Variants in SCYL2 observed in about 807,000 individuals in gnomAD.
SCYL2 encodes the protein SCY1 like pseudokinase 2.
Under a neutral mutation model 100.4 loss-of-function variants are expected in SCYL2, and 36 were observed. The observed-to-expected ratio is 0.36, with a 90% CI of 0.27 to 0.47. The LOEUF (loss-of-function observed/expected upper bound fraction) is 0.47, where lower values mean the gene tolerates loss of function less well. Among genes scored for constraint, SCYL2 ranks in the 20% least tolerant of loss-of-function variants. The probability of loss-of-function intolerance (pLI) is 1.00; values close to 1 mark genes in which losing one functional copy is unlikely to be tolerated. For synonymous variants in SCYL2, 330 were observed against 359.2 expected (o/e 0.92, Z 0.92); for missense variants, 902 against 1,083.9 (o/e 0.83, Z 2.36).
chr12:100,278,974 T>C (rs539928379), intron 1 of SCYL2, among the ~76,000 whole-genome samples: 2 of 152,296 alleles, frequency 1.3e-5, no homozygotes, highest in Non-Finnish European at 2.9e-5. Context: ...ATTTACTTGT[T>C]TTCTGTGGCT....
chr12:100,310,400 C>A (rs1011654515), intron 4 of SCYL2, among the ~76,000 whole-genome samples: 2 of 152,156 alleles, frequency 1.3e-5, no homozygotes, highest in Non-Finnish European at 2.9e-5. Flanking sequence ...CTTCGAGCAT[C>A]TTTTCATGTG....
chr12:100,277,238 A>G (rs2135809276), intron 1 of SCYL2, among the ~76,000 whole-genome samples: 1 of 152,314 alleles, frequency 6.6e-6, no homozygotes, highest in South Asian at 2.1e-4. Flanking sequence ...CATGAAAACA[A>G]TTTGTCATTT....
At position 100,335,471 on chromosome 12, in the gene SCYL2, G is replaced by A. The variant is rs75884567; in HGVS notation, c.1863-154G>A. ...ACAAATGTTATTTTTGGGGCAAGCA[G>A]ACATTAACAGTAGAAAATAATGGAA... is the stretch of plus-strand genomic sequence containing the variant. On this transcript the variant is annotated intron_variant, in intron 14 of 17. Coordinates refer to ENST00000360820, the MANE Select transcript of SCYL2 (RefSeq NM_017988.6). 479 of 577,010 alleles carry A rather than the reference G, an allele frequency of 8.3e-4. 3 individuals are homozygous for A. In the East Asian group the frequency reaches 0.012, roughly 15 times the overall value. 35.7% of individuals were successfully genotyped at this position (577,010 alleles called of 1,614,324 possible).
chr12:100,279,003 T>C (rs1370380957), intron 1 of SCYL2, among the ~76,000 whole-genome samples: 1 of 152,236 alleles, frequency 6.6e-6, no homozygotes, highest in East Asian at 1.9e-4. Context: ...GATTTTTCTT[T>C]TAATCACTGA....
intron 2 of SCYL2, among the ~76,000 whole-genome samples, chr12:100,286,812 A>G (rs747828873): frequency 6.6e-6 from 1 of 151,822 alleles, no homozygotes; most frequent in East Asian, 1.9e-4. Context: ...AGAATAATTA[A>G]TAGTTTTAAA....
rs550945935 is a variant in SCYL2 at position 100,267,526 on chromosome 12, G to T, written c.-295G>T. The T allele has an allele frequency of 6.5e-6, 1 of 153,574 alleles. No individual in the cohort carries two copies. Among genetic ancestry groups the T allele is most frequent in the South Asian group, 1.9e-4 (1 of 5,338 alleles). The allele number at this position is 153,574 out of a possible 1,614,324, so 9.5% of individuals were successfully genotyped here. On this transcript the variant is annotated 5_prime_UTR_variant, in exon 1 of 18. Transcript: ENST00000360820. ...AGGCCTCCCAGGGCCGCTCAGGCTG[G>T]TGGGTGTTGCCTGGTGACGGGCCTG...
At chr12:100,276,695 CT>C (rs200641346) in intron 1 of SCYL2, among the ~76,000 whole-genome samples, 1 of 151,286 alleles carries the variant, frequency 6.6e-6, no homozygotes, top group Non-Finnish European at 1.5e-5. Context: ...CTTTTCAAAA[CT>C]TTTTTTTTAC....
chr12:100,292,558 T>C (rs886598690), intron 3 of SCYL2, among the ~76,000 whole-genome samples: 15 of 152,226 alleles, frequency 9.9e-5, no homozygotes, highest in Non-Finnish European at 1.8e-4. Context: ...AACCACTTTC[T>C]ACCATCTCAC....
intron 4 of SCYL2, among the ~76,000 whole-genome samples, chr12:100,309,310 A>G (rs991162406): frequency 1.3e-5 from 2 of 152,000 alleles, no homozygotes; most frequent in Non-Finnish European, 2.9e-5. Flanking sequence ...CATCACCACC[A>G]TACATCTCCA....
At chr12:100,287,439 G>A (rs955690313) in intron 2 of SCYL2, among the ~76,000 whole-genome samples, 2 of 152,260 alleles carry the variant, frequency 1.3e-5, no homozygotes, top group South Asian at 2.1e-4. Context: ...GATTACAGAC[G>A]TGTGCCGCCA....
At chr12:100,272,642 A>G (rs887029871) in intron 1 of SCYL2, among the ~76,000 whole-genome samples, 12 of 152,158 alleles carry the variant, frequency 7.9e-5, no homozygotes, top group African/African-American at 2.9e-4. Context: ...CTTCCCCTAT[A>G]AAACAACTGG....
intron 5 of SCYL2, among the ~76,000 whole-genome samples, chr12:100,311,719 G>A (rs956677685): frequency 6.6e-6 from 1 of 152,134 alleles, no homozygotes; most frequent in African/African-American, 2.4e-5. Context: ...GAATTTGAAC[G>A]CAGCCTTTCT....
At position 100,310,936 on chromosome 12, in the gene SCYL2, G is replaced by A. The variant is rs565032283; in HGVS notation, c.481-108G>A. ...ATGAAATTTGATTTTTAGCTGACAC[G>A]CAAAACTTTTATTGTGAAGAGTAGC... On this transcript the variant is annotated intron_variant, in intron 4 of 17. Transcript: ENST00000360820. 44 of 1,096,234 alleles carry A rather than the reference G, an allele frequency of 4.0e-5. 1 individual carries two copies. Among genetic ancestry groups the A allele is most frequent in the African/African-American group, 3.6e-4 (22 of 61,480 alleles). The allele number at this position is 1,096,234 out of a possible 1,614,324, so 67.9% of individuals were successfully genotyped here.
chr12:100,334,098 T>C, intron 13 of SCYL2, 68 bp from the exon 14 acceptor site: 2 of 904,984 alleles, frequency 2.2e-6, no homozygotes, highest in East Asian at 2.4e-5. Context: ...TTTACTGAAT[T>C]ATCTTAATTG....
intron 13 of SCYL2, 70 bp from the exon 14 acceptor site, chr12:100,334,096 A>G: frequency 1.1e-6 from 1 of 892,036 alleles, no homozygotes; most frequent in Non-Finnish European, 1.8e-6. Context: ...AATTTACTGA[A>G]TTATCTTAAT....
chr12:100,267,268 G>A lies in SCYL2; in HGVS notation c.-553G>A, dbSNP rs539919525. On this transcript the variant is annotated 5_prime_UTR_variant, in exon 1 of 18. Coordinates refer to ENST00000360820, the MANE Select transcript of SCYL2 (RefSeq NM_017988.6). ...TCCGACGTTTGCGGCCGCGGGGGCG[G>A]CGGAGGATATGGAGTAAAGCCAGAG... 22 of 609,006 alleles carry A rather than the reference G, an allele frequency of 3.6e-5. No individual in the cohort carries two copies. In the South Asian group the frequency reaches 4.5e-4, roughly 13 times the overall value. 37.7% of individuals were successfully genotyped at this position (609,006 alleles called of 1,614,324 possible). A position where few individuals can be genotyped will look rare whatever the true frequency, so the allele number is the denominator to read the frequency against.
intron 2 of SCYL2, among the ~76,000 whole-genome samples, chr12:100,289,650 T>C (rs1157781768): frequency 1.3e-5 from 2 of 152,210 alleles, no homozygotes; most frequent in Non-Finnish European, 2.9e-5. Flanking sequence ...TTTTATCTCA[T>C]TCCTTTTATG....
intron 4 of SCYL2, among the ~76,000 whole-genome samples, chr12:100,302,382 A>C (rs1485027879): frequency 6.6e-6 from 1 of 152,152 alleles, no homozygotes; most frequent in African/African-American, 2.4e-5. Context: ...GTGTTTTTGC[A>C]GTGGCTGGTA....
chr12:100,299,428 C>T (rs1194799470), intron 4 of SCYL2, among the ~76,000 whole-genome samples: 2 of 152,124 alleles, frequency 1.3e-5, no homozygotes, highest in African/African-American at 2.4e-5. Flanking sequence ...CACTTACTTA[C>T]CTGTGAAACC....
Sources: allele counts gnomAD v4.1 joint callset (sites outside exome capture counted in the v4.1 genomes callset), GRCh38; gene constraint gnomAD v4.1.1; transcripts MANE v1.5; gene names NCBI Gene and HGNC (gene_info 2026-07-23, HGNC 2026-07-21).